ST3GAL2: variants seen among roughly 807,000 people sequenced by gnomAD.
ST3GAL2 encodes the protein ST3 beta-galactoside alpha-2,3-sialyltransferase 2, also known as CMP-N-acetylneuraminate-beta-galactosamide-alpha-2,3-sialyltransferase 2.
Under a neutral mutation model 37.5 loss-of-function variants are expected in ST3GAL2, and 16 were observed. The observed-to-expected ratio is 0.43, with a 90% CI of 0.29 to 0.65. The LOEUF is 0.65. Among genes scored for constraint, ST3GAL2 ranks in the 30% least tolerant of loss-of-function variants. ST3GAL2 has a pLI of 0.17. For synonymous variants in ST3GAL2, 238 were observed against 202.9 expected (o/e 1.17, Z -1.47); for missense variants, 383 against 487.8 (o/e 0.79, Z 2.02).
At chr16:70,438,832 G>A (rs1043880167) in intron 1 of ST3GAL2, 117 bp downstream of exon 1, 1 of 152,072 alleles carries the variant, frequency 6.6e-6, no homozygotes, top group African/African-American at 2.4e-5. Context: ...AAGTTGCCGG[G>A]CTGGAACGGG....
chr16:70,388,646 G>GTGT, intron 3 of ST3GAL2, 100 bp from the exon 4 acceptor site: 2 of 1,327,624 alleles, frequency 1.5e-6, no homozygotes. Context: ...ATGCAAACGG[G>GTGT]TGTATACTCC....
intron 1 of ST3GAL2, among the ~76,000 whole-genome samples, chr16:70,430,403 G>A (rs1194512983): frequency 6.6e-6 from 1 of 152,250 alleles, no homozygotes; most frequent in Admixed American, 6.5e-5. Context: ...TTCAGGCACT[G>A]AGGAAAATCC....
At chr16:70,405,540 TAAAAAAAAAAA>T (rs58998342) in intron 1 of ST3GAL2, among the ~76,000 whole-genome samples, 17 of 101,472 alleles carry the variant, frequency 1.7e-4, no homozygotes, top group South Asian at 1.4e-3. Flanking sequence ...GACTCCGTCT[TAAAAAAAAAAA>T]AAAAAAAAAA....
chr16:70,393,086 A>G (rs900997388), intron 3 of ST3GAL2, among the ~76,000 whole-genome samples: 1 of 135,720 alleles, frequency 7.4e-6, no homozygotes, highest in East Asian at 2.1e-4. Flanking sequence ...GCATCTATAA[A>G]TTTTTTTTTT....
intron 1 of ST3GAL2, among the ~76,000 whole-genome samples, chr16:70,431,325 G>C (rs1280600293): frequency 1.3e-5 from 2 of 152,236 alleles, no homozygotes; most frequent in Non-Finnish European, 2.9e-5. Flanking sequence ...CTGCTGACCT[G>C]CTGAGGCTGG....
rs774692479 is a variant in ST3GAL2, at chr16:70,381,837, T to A, written c.905A>T (p.Asp302Val). ...GTAGTGGTGCCAGTTGCCCCGGCTG[T>A]CGGCCCCGAACCCGTACACGTTCAC... ...DEVNVYGFGA[D>V]SRGNWHHYWE... The change falls in exon 7 of 7, where the codon GAC (aspartate) becomes GTC (valine). Residue 302 changes from aspartate to valine, a missense_variant. By Grantham distance (152) the Asp-to-Val change is radical. This residue lies in a region of ST3GAL2 where 160 missense variants were observed against 248.6 expected (regional missense o/e 0.64). Transcript: ENST00000342907. The A allele has an allele frequency of 6.2e-7, 1 of 1,613,942 alleles. No individual in the cohort carries two copies. The highest frequency in any genetic ancestry group is 8.5e-7 in the Non-Finnish European group (1 of 1,179,922).
chr16:70,397,843 T>C (rs758084623), intron 2 of ST3GAL2, among the ~76,000 whole-genome samples: 3 of 152,034 alleles, frequency 2.0e-5, no homozygotes, highest in African/African-American at 4.8e-5. Flanking sequence ...AAAACCCAGA[T>C]CCAGCCTTGT....
intron 5 of ST3GAL2, 118 bp downstream of exon 5, chr16:70,383,072 C>G: frequency 6.3e-7 from 1 of 1,580,446 alleles, no homozygotes; most frequent in Non-Finnish European, 8.6e-7. Flanking sequence ...TCAGGCATCT[C>G]GGCAGATGGG....
In ST3GAL2 at chr16:70,381,690, CA is replaced by C; in HGVS notation, c.1051del (p.Ter351GlufsTer105). On this transcript the variant is annotated frameshift_variant and stop_lost, in exon 7 of 7. Transcript: ENST00000342907. LOFTEE classifies it high-confidence loss of function. Reference protein sequence around the residue: ...ASKIEVYRGN* With the variant: ...ASKIEVYRGNX ...GGAAGGGTCGCGGCGAGGCCCGGCT[CA>C]GTTGCCCCGGTAGACTTCGATCTTG... 1 of 1,613,240 alleles carries C rather than the reference CA, an allele frequency of 6.2e-7. No homozygotes were observed. Among genetic ancestry groups the C allele is most frequent in the Non-Finnish European group, 8.5e-7 (1 of 1,179,650 alleles).
At chr16:70,427,531 G>T (rs1475688802) in intron 1 of ST3GAL2, among the ~76,000 whole-genome samples, 1 of 151,866 alleles carries the variant, frequency 6.6e-6, no homozygotes, top group African/African-American at 2.4e-5. Flanking sequence ...TAGAGATGGG[G>T]TTTCACCGTG....
chr16:70,382,402 C>T (rs1305719737), intron 6 of ST3GAL2, among the ~76,000 whole-genome samples: 1 of 152,120 alleles, frequency 6.6e-6, no homozygotes, highest in African/African-American at 2.4e-5. Context: ...CCTGACTCAG[C>T]CTCCCGAGTA....
At chr16:70,424,437 A>C (rs1424974984) in intron 1 of ST3GAL2, among the ~76,000 whole-genome samples, 2 of 151,438 alleles carry the variant, frequency 1.3e-5, no homozygotes, top group African/African-American at 4.8e-5. Flanking sequence ...CCCCGTCTCT[A>C]CTAAAAATAC....
At chr16:70,404,555 G>A (rs879669156) in intron 1 of ST3GAL2, among the ~76,000 whole-genome samples, 1 of 152,198 alleles carries the variant, frequency 6.6e-6, no homozygotes, top group Non-Finnish European at 1.5e-5. Context: ...ACCAGTGTTA[G>A]TGAGGACGCA....
At position 70,415,273 on chromosome 16, in the gene ST3GAL2, C is replaced by T. The variant is rs189097228; in HGVS notation, c.-1003-15740G>A. Among the ~76,000 whole-genome samples, 26 of 152,206 alleles carry T rather than the reference C, an allele frequency of 1.7e-4. No homozygotes were observed. The East Asian group carries it at 3.1e-3, about 18-fold the overall frequency. ...ATGAGCTGCCCCAGGACCACCCCCC[C>T]GCCACAATGCAGCTGACCCTTACCG... On this transcript the variant is annotated intron_variant, in intron 1 of 6. Transcript: ENST00000342907.
intron 1 of ST3GAL2, among the ~76,000 whole-genome samples, chr16:70,431,680 T>C (rs938269331): frequency 7.2e-6 from 1 of 138,852 alleles, no homozygotes; most frequent in Non-Finnish European, 1.5e-5. Context: ...AAAAAAAAAA[T>C]TGGCCAGGTG....
intron 1 of ST3GAL2, among the ~76,000 whole-genome samples, chr16:70,421,147 A>G (rs2047711796): frequency 6.6e-6 from 1 of 152,332 alleles, no homozygotes; most frequent in Middle Eastern, 3.4e-3. Flanking sequence ...AGAGCCCAGC[A>G]CACACCTGCC....
chr16:70,399,008 A>C lies in ST3GAL2; in HGVS notation c.-478T>G, dbSNP rs1201551745. On this transcript the variant is annotated 5_prime_UTR_variant, in exon 2 of 7. The change creates a new upstream start codon in the 5' untranslated region. Coordinates refer to ENST00000342907, the MANE Select transcript of ST3GAL2 (RefSeq NM_006927.4). ...GGCAGCGGGGAAGCCCTAGAACTCC[A>C]ATCACAACAGAGAGCACAGGGGCTT... is the stretch of plus-strand genomic sequence containing the variant. 1.2e-5 allele frequency: 5 copies of C among 413,410 alleles called. No homozygotes were observed. Among genetic ancestry groups the C allele is most frequent in the Non-Finnish European group, 2.1e-5 (5 of 234,226 alleles). The allele number at this position is 413,410 out of a possible 1,614,324, so 25.6% of individuals were successfully genotyped here. A position where few individuals can be genotyped will look rare whatever the true frequency, so the allele number is the denominator to read the frequency against.
At position 70,381,778 on chromosome 16, in the gene ST3GAL2, TC is replaced by T. The variant is rs773486474; in HGVS notation, c.963del (p.Lys322ArgfsTer134). On this transcript the variant is annotated frameshift_variant, in exon 7 of 7. Coordinates refer to ENST00000342907, the MANE Select transcript of ST3GAL2 (RefSeq NM_006927.4). LOFTEE classifies it high-confidence loss of function. ...AAGTCCGCGTCGTGCACGCCAGTCT[TC>T]CGGAACTCGCCCGCGTACCGGTTGT... Reference protein sequence around the residue: ...WENNRYAGEFRKTGVHDADFE... With the variant: ...WENNRYAGEFXKTGVHDADFE... The T allele has an allele frequency of 2.5e-6, 4 of 1,613,964 alleles. No homozygotes were observed. The African/African-American group carries it at 4.0e-5, about 16-fold the overall frequency.
At position 70,379,794 on chromosome 16, in the gene ST3GAL2, G is replaced by GTT. The variant is rs1597551176; in HGVS notation, c.*1894_*1895insAA. On this transcript the variant is annotated 3_prime_UTR_variant, in exon 7 of 7. Transcript: ENST00000342907. ...GCACCACTGCGCCTGGCTAATTTTT[G>GTT]TATTTTTTTTTTTTTTTGGTAGAGA... is the stretch of plus-strand genomic sequence containing the variant. 1 of 133,238 alleles carries GTT rather than the reference G, an allele frequency of 7.5e-6. No homozygotes were observed. 8.3% of individuals were successfully genotyped at this position (133,238 alleles called of 1,614,324 possible). A position where few individuals can be genotyped will look rare whatever the true frequency, so the allele number is the denominator to read the frequency against.
Sources: allele counts gnomAD v4.1 joint callset (sites outside exome capture counted in the v4.1 genomes callset), GRCh38; gene constraint gnomAD v4.1.1; regional missense constraint gnomAD v4.1.1; transcripts MANE v1.5; gene names NCBI Gene and HGNC (gene_info 2026-07-23, HGNC 2026-07-21).